Variants in AKAP6 observed in about 807,000 individuals in gnomAD.
The protein encoded by AKAP6 is A-kinase anchoring protein 6.
In AKAP6, 58 loss-of-function variants were observed where a neutral mutation model predicts 188.5. That is an observed-to-expected ratio of 0.31 (90% confidence interval 0.25 to 0.38). AKAP6 has a LOEUF of 0.38. AKAP6 is among the 10% of genes least tolerant of loss of function. The pLI, the probability that AKAP6 is intolerant of heterozygous loss-of-function variation, is 1.00. For missense variants in AKAP6, 2,710 were observed against 2,740.0 expected (o/e 0.99, Z 0.24); for synonymous variants, 989 against 998.6 (o/e 0.99, Z 0.18).
intron 1 of AKAP6, among the ~76,000 whole-genome samples, chr14:32,373,975 C>A (rs578247462): frequency 6.6e-6 from 1 of 152,130 alleles, no homozygotes; most frequent in African/African-American, 2.4e-5. Flanking sequence ...ATACTTATCC[C>A]TGGTTAAAGA....
intron 8 of AKAP6, among the ~76,000 whole-genome samples, chr14:32,694,747 C>A (rs1360616820): frequency 1.1e-5 from 1 of 89,178 alleles, no homozygotes; most frequent in Non-Finnish European, 3.0e-5. Flanking sequence ...ACCAGGCACA[C>A]CTTAAGTTTT....
intron 1 of AKAP6, among the ~76,000 whole-genome samples, chr14:32,361,275 T>C (rs1887655225): frequency 6.6e-6 from 1 of 151,410 alleles, no homozygotes; most frequent in Non-Finnish European, 1.5e-5. Flanking sequence ...CAAATAGTAG[T>C]TTTCCAGGAA....
At chr14:32,683,237 A>G (rs28613973) in intron 8 of AKAP6, among the ~76,000 whole-genome samples, 34,362 of 151,712 alleles carry the variant, frequency 0.23, 4,789 homozygotes, top group East Asian at 0.58. Context: ...CAAGTGATTC[A>G]CCCACCTCAG....
intron 1 of AKAP6, among the ~76,000 whole-genome samples, chr14:32,365,567 GC>G (rs1327834478): frequency 1.3e-5 from 2 of 151,996 alleles, no homozygotes; most frequent in South Asian, 4.2e-4. Flanking sequence ...TGCAGCCCTG[GC>G]CCCCCAGGGA....
intron 7 of AKAP6, among the ~76,000 whole-genome samples, chr14:32,677,617 G>A (rs1385138148): frequency 6.6e-6 from 1 of 152,152 alleles, no homozygotes; most frequent in Non-Finnish European, 1.5e-5. Flanking sequence ...AATAAATAAA[G>A]CATCTATTCA....
chr14:32,793,839 G>A (rs1387667856), intron 12 of AKAP6, among the ~76,000 whole-genome samples: 4 of 146,636 alleles, frequency 2.7e-5, no homozygotes, highest in Admixed American at 6.8e-5. Flanking sequence ...CAGAAGCACC[G>A]AAATTCATAA....
intron 11 of AKAP6, among the ~76,000 whole-genome samples, chr14:32,744,083 A>G (rs6571550): frequency 0.8 from 120,959 of 151,942 alleles, 48,399 homozygotes; most frequent in East Asian, 1. Context: ...TTTTCCTTCA[A>G]CACTTTAAAT....
intron 9 of AKAP6, among the ~76,000 whole-genome samples, chr14:32,723,559 A>AG (rs2030677169): frequency 7.3e-6 from 1 of 137,142 alleles, no homozygotes; most frequent in South Asian, 2.2e-4. Context: ...GTATGTGTTT[A>AG]TGTGTGTGTG....
intron 5 of AKAP6, among the ~76,000 whole-genome samples, chr14:32,584,841 A>C (rs1012940880): frequency 1.1e-4 from 17 of 152,118 alleles, no homozygotes; most frequent in Non-Finnish European, 1.5e-5. Flanking sequence ...TGTATTGCTG[A>C]GAAGTAGTCT....
At position 32,548,290 on chromosome 14, in the gene AKAP6, C is replaced by T. The variant is rs1594733339; in HGVS notation, c.2346+1291C>T. Reference sequence around the variant, plus strand: ...CTAATTTTTGTATTTTTAGTAGAGACGGGGTTTCGCCATGTTGGCCAGGCT... The same window carrying T: ...CTAATTTTTGTATTTTTAGTAGAGATGGGGTTTCGCCATGTTGGCCAGGCT... On this transcript the variant is annotated intron_variant, in intron 4 of 13. Coordinates refer to ENST00000280979, the MANE Select transcript of AKAP6 (RefSeq NM_004274.5). Among the ~76,000 whole-genome samples, 3 of 151,828 alleles carry T rather than the reference C, an allele frequency of 2.0e-5. No individual in the cohort carries two copies. In the South Asian group the frequency reaches 6.2e-4, roughly 31 times the overall value.
At chr14:32,519,981 A>T (rs1881733357) in intron 2 of AKAP6, among the ~76,000 whole-genome samples, 1 of 152,214 alleles carries the variant, frequency 6.6e-6, no homozygotes, top group South Asian at 2.1e-4. Context: ...AAGAACAGAA[A>T]TTATAACAAA....
chr14:32,452,779 T>G (rs1407539729), intron 2 of AKAP6, among the ~76,000 whole-genome samples: 1 of 152,244 alleles, frequency 6.6e-6, no homozygotes, highest in Non-Finnish European at 1.5e-5. Context: ...AATATTCTTA[T>G]GTACTGGGGC....
At chr14:32,482,087 C>A (rs149004646) in intron 2 of AKAP6, among the ~76,000 whole-genome samples, 1 of 152,252 alleles carries the variant, frequency 6.6e-6, no homozygotes, top group East Asian at 1.9e-4. Flanking sequence ...CTCAGCCCTA[C>A]TTCCTTCCTT....
At chr14:32,339,779 T>C (rs1173777175) in intron 1 of AKAP6, among the ~76,000 whole-genome samples, 3 of 152,132 alleles carry the variant, frequency 2.0e-5, no homozygotes, top group Non-Finnish European at 4.4e-5. Flanking sequence ...AGGAACACAA[T>C]GATACAGTTG....
intron 9 of AKAP6, among the ~76,000 whole-genome samples, chr14:32,716,906 T>G (rs1566663677): frequency 6.6e-6 from 1 of 152,118 alleles, no homozygotes; most frequent in Non-Finnish European, 1.5e-5. Context: ...CAAAGACTTC[T>G]TATTAATGGT....
intron 10 of AKAP6, among the ~76,000 whole-genome samples, chr14:32,735,021 G>T (rs1006287584): frequency 6.6e-6 from 1 of 152,044 alleles, no homozygotes; most frequent in Admixed American, 6.6e-5. Flanking sequence ...ACACATATTC[G>T]GTATTAGAAA....
rs1268648762 is a variant in AKAP6, at chr14:32,568,066, AAG to A, written c.2347-9047_2347-9046del. Among the ~76,000 whole-genome samples the A allele has an allele frequency of 6.6e-6, 1 of 152,182 alleles. No individual in the cohort carries two copies. Among genetic ancestry groups the A allele is most frequent in the Non-Finnish European group, 1.5e-5 (1 of 68,030 alleles). On this transcript the variant is annotated intron_variant, in intron 4 of 13. Coordinates refer to ENST00000280979, the MANE Select transcript of AKAP6 (RefSeq NM_004274.5). The surrounding 1 kb of genome is among the most constrained non-coding windows in gnomAD (Gnocchi z 6.2). ...AGGAAGAAAGAAAAGAAAGGCTGAA[AAG>A]AGAGAGCACAGAGTACAGGAAGAAT...
rs1216788649 is a variant in AKAP6 at position 32,540,131 on chromosome 14, G to GCTCTCT, written c.576+4359_576+4364dup. On this transcript the variant is annotated intron_variant, in intron 3 of 13. Transcript: ENST00000280979. ...AAGGAGGGGTGTTCTTTGCTCGTGC[G>GCTCTCT]CTCTCTCTCTCTCTCTCTCTCTCTC... Among the ~76,000 whole-genome samples, 597 of 66,366 alleles carry GCTCTCT rather than the reference G, an allele frequency of 9.0e-3. 8 individuals are homozygous for GCTCTCT. The highest frequency in any genetic ancestry group is 0.014 in the African/African-American group (157 of 11,588). The allele number at this position is 66,366 out of a possible 152,430, so 43.5% of individuals were successfully genotyped here.
intron 9 of AKAP6, among the ~76,000 whole-genome samples, chr14:32,712,150 G>A (rs1296837): frequency 0.23 from 34,731 of 151,842 alleles, 4,361 homozygotes; most frequent in East Asian, 0.42. Flanking sequence ...AGCAAGTCAC[G>A]TGAATCTTTT....
Sources: gnomAD v4.1 joint callset for allele counts (sites outside exome capture counted in the v4.1 genomes callset) on GRCh38, gnomAD v4.1.1 for gene constraint, Gnocchi (gnomAD v3.1) non-coding constraint, MANE v1.5 for transcripts, NCBI Gene and HGNC (gene_info 2026-07-23, HGNC 2026-07-21) for gene names.